The following DCAF8L2 variants were observed in gnomAD, a reference collection of about 807,000 sequenced individuals.
The protein encoded by DCAF8L2 is DDB1- and CUL4-associated factor 8-like protein 2.
For missense variants in DCAF8L2, 430 were observed against 490.7 expected, an observed-to-expected ratio of 0.88 and a Z score of 1.17; for synonymous variants, 200 against 190.9, an observed-to-expected ratio of 1.05 and a Z score of -0.39.
At chrX:27,642,049 G>A (rs1020308362) in intron 2 of DCAF8L2, among the ~76,000 whole-genome samples, 2 of 107,798 alleles carry the variant, frequency 1.9e-5, no homozygotes, top group Admixed American at 1.0e-4. Flanking sequence ...CCACCATGCC[G>A]GGATAATTTT....
chrX:27,482,615 T>C, the DCAF8L2 span, among the ~76,000 whole-genome samples: 1 of 111,894 alleles, frequency 8.9e-6, no homozygotes, highest in Non-Finnish European at 1.9e-5. Context: ...TCTTTGAATA[T>C]GTTGTATTTG....
chrX:27,535,601 C>G, the DCAF8L2 span, among the ~76,000 whole-genome samples: 278 of 111,599 alleles, frequency 2.5e-3, 1 homozygote, highest in East Asian at 0.03. Flanking sequence ...CTTTTTTGTC[C>G]TACTCTCACC....
intron 1 of DCAF8L2, among the ~76,000 whole-genome samples, chrX:27,615,524 A>AATCTATCTATCT (rs368679663): frequency 0.085 from 8,919 of 104,358 alleles, 640 homozygotes; most frequent in African/African-American, 0.22. Context: ...AGATTCTATC[A>AATCTATCTATCT]ATCTATCTAT....
intron 4 of DCAF8L2, among the ~76,000 whole-genome samples, chrX:27,717,502 CAT>C (rs1210630320): frequency 1.8e-5 from 2 of 112,319 alleles, no homozygotes; most frequent in Non-Finnish European, 3.8e-5. Flanking sequence ...AGCTTTTTTT[CAT>C]ATGTTTGTTG....
chrX:27,634,957 T>TATACAC (rs1555922111), intron 2 of DCAF8L2, among the ~76,000 whole-genome samples: 19 of 99,601 alleles, frequency 1.9e-4, no homozygotes, highest in African/African-American at 5.7e-4. Context: ...ACCATGTATA[T>TATACAC]ACACACACAC....
In DCAF8L2 at chrX:27,748,446, C is replaced by G; in HGVS notation, c.1551C>G (p.Asn517Lys). Residue 517 changes from asparagine (N) to lysine (K), a missense_variant, in exon 5 of 5, where the codon AAC becomes AAG. Transcript: ENST00000451261. ...AGGGGAGCAGAGAAGGTACAATAAA[C>G]TGTCTTGAACCCCACCCTTACCTAC... ...FLKGSREGTI[N>K]CLEPHPYLPV... The G allele has an allele frequency of 8.3e-7, 1 of 1,207,630 alleles. No homozygotes were observed. The highest frequency in any genetic ancestry group is 1.1e-6 in the Non-Finnish European group (1 of 893,014).
the DCAF8L2 span, among the ~76,000 whole-genome samples, chrX:27,511,567 C>G: frequency 1.8e-5 from 2 of 112,146 alleles, no homozygotes; most frequent in Non-Finnish European, 3.8e-5. Flanking sequence ...GTTATGATAA[C>G]AAACTATTTC....
chrX:27,593,982 C>A (rs924581033), intron 1 of DCAF8L2, among the ~76,000 whole-genome samples: 2 of 112,098 alleles, frequency 1.8e-5, no homozygotes, highest in African/African-American at 3.2e-5. Context: ...GACATTACTG[C>A]ACATAAGAAA....
At chrX:27,547,849 CT>C in the DCAF8L2 span, among the ~76,000 whole-genome samples, 1 of 66,051 alleles carries the variant, frequency 1.5e-5, no homozygotes, top group African/African-American at 5.9e-5. Context: ...CTCTCTTTCT[CT>C]CTCTCTCTCT....
intron 1 of DCAF8L2, among the ~76,000 whole-genome samples, chrX:27,621,603 T>C (rs771613966): frequency 1.8e-5 from 2 of 111,203 alleles, no homozygotes; most frequent in East Asian, 5.7e-4. Context: ...TAGTAAGATG[T>C]CACTAAAATT....
the DCAF8L2 span, among the ~76,000 whole-genome samples, chrX:27,480,890 C>T: frequency 8.9e-6 from 1 of 111,741 alleles, no homozygotes; most frequent in Non-Finnish European, 1.9e-5. Context: ...GAGCTGAAGT[C>T]TGAAATATGA....
chrX:27,629,210 T>C (rs1340917384), intron 1 of DCAF8L2, among the ~76,000 whole-genome samples: 1 of 111,360 alleles, frequency 9.0e-6, no homozygotes, highest in African/African-American at 3.3e-5. Flanking sequence ...CTTTTTAGAT[T>C]GATGTGGGCC....
the DCAF8L2 span, among the ~76,000 whole-genome samples, chrX:27,471,746 C>G: frequency 9.0e-6 from 1 of 111,344 alleles, no homozygotes. Flanking sequence ...CTGCTCTCAT[C>G]CCACTCCCCC....
the DCAF8L2 span, among the ~76,000 whole-genome samples, chrX:27,472,254 A>T: frequency 8.9e-6 from 1 of 111,824 alleles, no homozygotes; most frequent in Non-Finnish European, 1.9e-5. Context: ...GTCTCCATAG[A>T]TCTCTTCTTA....
chrX:27,549,130 G>A, the DCAF8L2 span, among the ~76,000 whole-genome samples: 1 of 111,245 alleles, frequency 9.0e-6, no homozygotes, highest in Non-Finnish European at 1.9e-5. Context: ...ATCAGTAGGA[G>A]GTAGCATTAT....
chrX:27,522,618 C>A, the DCAF8L2 span, among the ~76,000 whole-genome samples: 1 of 111,744 alleles, frequency 8.9e-6, no homozygotes, highest in Non-Finnish European at 1.9e-5. Flanking sequence ...TCCCCTGTTA[C>A]CAGACCCTGG....
intron 3 of DCAF8L2, among the ~76,000 whole-genome samples, chrX:27,697,827 A>G (rs763184332): frequency 3.6e-5 from 4 of 110,550 alleles, no homozygotes; most frequent in Non-Finnish European, 7.6e-5. Flanking sequence ...TAATACAATT[A>G]AGGAAACAAA....
chrX:27,661,821 T>C (rs182883806), intron 2 of DCAF8L2, among the ~76,000 whole-genome samples: 5 of 111,614 alleles, frequency 4.5e-5, no homozygotes, highest in South Asian at 3.8e-4. Flanking sequence ...CAGTGAGAAA[T>C]ATTTCACTCA....
intron 2 of DCAF8L2, among the ~76,000 whole-genome samples, chrX:27,655,030 C>T (rs182358994): frequency 4.5e-5 from 5 of 111,133 alleles, no homozygotes; most frequent in Middle Eastern, 4.7e-3. Context: ...CTCCACATTT[C>T]GGAAGCTCTA....
Sources: allele counts gnomAD v4.1 joint callset (sites outside exome capture counted in the v4.1 genomes callset), GRCh38; gene constraint gnomAD v4.1.1; transcripts MANE v1.5; gene names NCBI Gene and HGNC (gene_info 2026-07-23, HGNC 2026-07-21).